Variants in MRGPRX3 observed in about 807,000 individuals in gnomAD.
MRGPRX3 encodes MAS related GPR family member X3.
A neutral mutation model predicts 16.5 loss-of-function variants in MRGPRX3; 14 were observed. That is an observed-to-expected ratio of 0.85 (90% CI 0.56 to 1.33). MRGPRX3 has a LOEUF of 1.33. MRGPRX3 is among the 40% of genes most tolerant of loss of function. The pLI is 0.00. For missense variants in MRGPRX3, 449 were observed against 413.0 expected, an observed-to-expected ratio of 1.09 and a Z score of -0.76; for synonymous variants, 199 against 180.1, an observed-to-expected ratio of 1.10 and a Z score of -0.84.
intron 1 of MRGPRX3, 49 bp downstream of exon 1, chr11:18,132,788 G>C (rs1333279487): frequency 6.6e-6 from 1 of 152,248 alleles, no homozygotes; most frequent in Non-Finnish European, 1.5e-5. Flanking sequence ...GATTTTTGCT[G>C]TAAGATCATG....
At chr11:18,124,461 T>G (rs980435731) in intron 1 of MRGPRX3, among the ~76,000 whole-genome samples, 3 of 152,166 alleles carry the variant, frequency 2.0e-5, no homozygotes, top group Non-Finnish European at 1.5e-5. Context: ...GGTTTTTGTC[T>G]TTGGTTCTGT....
intron 1 of MRGPRX3, among the ~76,000 whole-genome samples, chr11:18,134,014 T>C (rs1014103241): frequency 1.3e-5 from 2 of 152,200 alleles, no homozygotes; most frequent in Admixed American, 6.5e-5. Context: ...ACTATCCCTC[T>C]CACCTTCTTG....
At position 18,137,295 on chromosome 11, in the gene MRGPRX3, G is replaced by A. The variant is rs752591852; in HGVS notation, c.93G>A (p.Thr31=). The change falls in exon 2 of 2, where the codon ACG becomes ACA. Residue 31 remains threonine (T), a synonymous_variant. Transcript: ENST00000621697. ...TPCYKQTLSF[T]GLTCIVSLVA... is the part of the protein sequence containing the mutation. ...GCTACAAGCAGACCCTGAGCTTCAC[G>A]GGGCTGACGTGCATCGTTTCCCTTG... is the stretch of plus-strand genomic sequence containing the variant. The A allele has an allele frequency of 2.0e-5, 32 of 1,614,112 alleles. No individual in the cohort carries two copies. The highest frequency in any genetic ancestry group is 1.6e-4 in the Middle Eastern group (1 of 6,062).
At chr11:18,124,742 G>A (rs1848873930) in intron 1 of MRGPRX3, among the ~76,000 whole-genome samples, 1 of 152,112 alleles carries the variant, frequency 6.6e-6, no homozygotes, top group South Asian at 2.1e-4. Flanking sequence ...TCTATTGATT[G>A]GAATAATTTC....
At chr11:18,125,667 G>A (rs1320847991) in intron 1 of MRGPRX3, among the ~76,000 whole-genome samples, 1 of 152,190 alleles carries the variant, frequency 6.6e-6, no homozygotes, top group Non-Finnish European at 1.5e-5. Context: ...ATATTCTGTT[G>A]ATTTGGGGTG....
At chr11:18,131,056 T>C (rs11024499), upstream of MRGPRX3, among the ~76,000 whole-genome samples, 7,773 of 152,180 alleles carry the variant, frequency 0.051, 661 homozygotes, top group African/African-American at 0.18. Flanking sequence ...AAGACTTAAA[T>C]CTGAGACCTA....
At chr11:18,136,445 A>G (rs1849008147) in intron 1 of MRGPRX3, among the ~76,000 whole-genome samples, 2 of 152,194 alleles carry the variant, frequency 1.3e-5, no homozygotes, top group East Asian at 1.9e-4. Context: ...ACACAGATAG[A>G]GCTGTCCACA....
chr11:18,134,957 C>A (rs1476765300), intron 1 of MRGPRX3, among the ~76,000 whole-genome samples: 1 of 152,156 alleles, frequency 6.6e-6, no homozygotes, highest in Admixed American at 6.5e-5. Context: ...CTTGGGGCAA[C>A]CAGCAGTCTC....
chr11:18,123,767 A>T (rs1268914993), intron 1 of MRGPRX3, among the ~76,000 whole-genome samples: 2 of 152,292 alleles, frequency 1.3e-5, no homozygotes, highest in African/African-American at 2.4e-5. Context: ...GAATCTATAA[A>T]TTACCTTGGG....
intron 1 of MRGPRX3, among the ~76,000 whole-genome samples, chr11:18,134,240 T>C (rs1280661989): frequency 6.6e-6 from 1 of 152,202 alleles, no homozygotes; most frequent in Admixed American, 6.5e-5. Context: ...AATAAAGACA[T>C]GAAGAAGAAA....
chr11:18,130,446 C>T (rs1848949605), upstream of MRGPRX3, among the ~76,000 whole-genome samples: 1 of 151,912 alleles, frequency 6.6e-6, no homozygotes, highest in Non-Finnish European at 1.5e-5. Context: ...TAAAAAAATA[C>T]TTAAGAATAT....
Position 18,134,364 on chromosome 11 carries a change from T to A in MRGPRX3, c.-26+1625T>A, listed in dbSNP as rs546850409. On this transcript the variant is annotated intron_variant, in intron 1 of 1. Coordinates refer to ENST00000621697, the MANE Select transcript of MRGPRX3 (RefSeq NM_001370464.1). ...AAAATAAAGGTGTGGCGGAGTTGTG[T>A]ATGTACTGAACAGGTACAAACTTGT... Among the ~76,000 whole-genome samples the A allele has an allele frequency of 1.2e-4, 18 of 152,334 alleles. No individual in the cohort carries two copies. The East Asian group carries it at 3.1e-3, about 26-fold the overall frequency.
rs867374787 is a variant in MRGPRX3 at position 18,124,743 on chromosome 11, G to T, written c.-152+3579G>T. ...GGATTCCCTCTTTTTCTATTGATTG[G>T]AATAATTTCAGAAGGAATGGTACCA... On this transcript the variant is annotated intron_variant, in intron 1 of 2. Transcript: ENST00000396275. Among the ~76,000 whole-genome samples the T allele has an allele frequency of 2.6e-3, 395 of 152,264 alleles. 2 individuals are homozygous for T. The highest frequency in any genetic ancestry group is 4.2e-3 in the Non-Finnish European group (283 of 68,006).
At chr11:18,133,405 G>T (rs559626008) in intron 1 of MRGPRX3, among the ~76,000 whole-genome samples, 1 of 152,306 alleles carries the variant, frequency 6.6e-6, no homozygotes, top group East Asian at 1.9e-4. Flanking sequence ...TTGGATCTGT[G>T]TTCCCACCAA....
Position 18,137,832 on chromosome 11 carries a change from G to A in MRGPRX3, c.630G>A (p.Pro210=), listed in dbSNP as rs553146763. ...TTCTCTGTGGATCCCGGAAGATGCC[G>A]CTGACCAGGCTGTACGTGACCATCC... is the stretch of plus-strand genomic sequence containing the variant. ...VRILCGSRKM[P]LTRLYVTILL... Residue 210 remains proline (P), a synonymous_variant, in exon 2 of 2, where the codon CCG becomes CCA. Transcript: ENST00000621697. 1.1e-5 allele frequency: 18 copies of A among 1,614,154 alleles called. No homozygotes were observed. Among genetic ancestry groups the A allele is most frequent in the South Asian group, 2.2e-5 (2 of 91,072 alleles).
At chr11:18,131,322 TCAAA>T (rs1343739980), upstream of MRGPRX3, among the ~76,000 whole-genome samples, 1 of 151,160 alleles carries the variant, frequency 6.6e-6, no homozygotes, top group Non-Finnish European at 1.5e-5. Context: ...CACAAGGAAC[TCAAA>T]CAAATCAGCA....
intron 1 of MRGPRX3, among the ~76,000 whole-genome samples, chr11:18,123,939 T>G (rs909539460): frequency 1.3e-5 from 2 of 152,192 alleles, no homozygotes; most frequent in African/African-American, 4.8e-5. Flanking sequence ...TTCTTTATTC[T>G]CTTTGAAGCA....
At chr11:18,126,782 G>A (rs1590303537) in intron 1 of MRGPRX3, among the ~76,000 whole-genome samples, 1 of 152,192 alleles carries the variant, frequency 6.6e-6, no homozygotes, top group East Asian at 1.9e-4. Flanking sequence ...GAGAATGATG[G>A]TTTCCAGCTT....
intron 1 of MRGPRX3, among the ~76,000 whole-genome samples, chr11:18,122,965 T>A (rs1194003941): frequency 6.6e-6 from 1 of 152,138 alleles, no homozygotes; most frequent in African/African-American, 2.4e-5. Flanking sequence ...TCATGTGTCT[T>A]TTGGCTGCAT....
Sources: allele counts gnomAD v4.1 joint callset (sites outside exome capture counted in the v4.1 genomes callset), GRCh38; gene constraint gnomAD v4.1.1; transcripts MANE v1.5; gene names NCBI Gene and HGNC (gene_info 2026-07-23, HGNC 2026-07-21).